Variants in CFAP54 observed in about 807,000 individuals in gnomAD.
CFAP54 encodes the protein cilia and flagella associated protein 54.
CFAP54 carries 290 observed loss-of-function variants against 370.4 expected under a neutral mutation model. The observed-to-expected ratio is 0.78, with a 90% CI of 0.71 to 0.86. The LOEUF (loss-of-function observed/expected upper bound fraction) is 0.86. Ranked by LOEUF, CFAP54 falls within the 40% of genes least tolerant of loss-of-function variation. CFAP54 has a pLI of 0.00. For missense variants in CFAP54, 3,399 were observed against 3,528.7 expected (o/e 0.96, Z 0.93); for synonymous variants, 1,206 against 1,236.5 (o/e 0.98, Z 0.52).
Position 96,657,923 on chromosome 12 carries a change from T to C in CFAP54, c.5142T>C (p.Tyr1714=), listed in dbSNP as rs1956940893. The C allele has an allele frequency of 3.1e-6, 5 of 1,613,822 alleles. No individual in the cohort carries two copies. Among genetic ancestry groups the C allele is most frequent in the Non-Finnish European group, 3.4e-6 (4 of 1,179,838 alleles). Reference sequence around the variant, plus strand: ...GAGAATTCAGTGTTCCAAGCTGTTATGGGAATATTAAAAATGACAACGGTG... The same window carrying C: ...GAGAATTCAGTGTTCCAAGCTGTTACGGGAATATTAAAAATGACAACGGTG... ...DKGEFSVPSC[Y]GNIKNDNGGS... The change falls in exon 37 of 68, where the codon TAT becomes TAC. Residue 1714 remains tyrosine (Y), a synonymous_variant. Coordinates refer to ENST00000524981, the MANE Select transcript of CFAP54 (RefSeq NM_001306084.2).
intron 32 of CFAP54, among the ~76,000 whole-genome samples, chr12:96,641,883 A>T (rs1249453295): frequency 1.3e-5 from 2 of 150,304 alleles, no homozygotes; most frequent in East Asian, 2.0e-4. Context: ...AACAATGAGA[A>T]CACATGGACA....
At position 96,544,410 on chromosome 12, in the gene CFAP54, A is replaced by ATCTCTCTCTCTC. The variant is rs71068815; in HGVS notation, c.2077+3445_2077+3456dup. 2.5e-3 allele frequency among the ~76,000 whole-genome samples: 365 copies of ATCTCTCTCTCTC among 148,094 alleles called. 5 individuals are homozygous for ATCTCTCTCTCTC. Among genetic ancestry groups the ATCTCTCTCTCTC allele is most frequent in the East Asian group, 2.2e-3 (11 of 4,984 alleles). ...CGAAGCAGTCCTCAGAAAACAGAAT[A>ATCTCTCTCTCTC]TCTCTCTCTCTCTCTCTCTCTCTCT... On this transcript the variant is annotated intron_variant, in intron 14 of 67. Coordinates refer to ENST00000524981, the MANE Select transcript of CFAP54 (RefSeq NM_001306084.2).
chr12:96,642,448 C>T (rs1956741590), intron 32 of CFAP54, among the ~76,000 whole-genome samples: 1 of 152,146 alleles, frequency 6.6e-6, no homozygotes, highest in African/African-American at 2.4e-5. Context: ...ATCTTATTGT[C>T]TATCTAAACA....
At chr12:96,867,632 A>C (rs778102173) in intron 67 of CFAP54, among the ~76,000 whole-genome samples, 29 of 152,218 alleles carry the variant, frequency 1.9e-4, no homozygotes, top group Non-Finnish European at 3.7e-4. Flanking sequence ...CCTGGAGGAC[A>C]TTATGCTAAG....
chr12:96,510,152 C>T (rs1206430136), intron 4 of CFAP54, among the ~76,000 whole-genome samples: 1 of 150,318 alleles, frequency 6.7e-6, no homozygotes, highest in African/African-American at 2.4e-5. Flanking sequence ...ACTTGGGAGG[C>T]TGAGGCAGGA....
intron 66 of CFAP54, among the ~76,000 whole-genome samples, chr12:96,839,794 T>C (rs1959200349): frequency 6.6e-6 from 1 of 152,126 alleles, no homozygotes. Context: ...TTGATGCTGG[T>C]TGTCAGCCAT....
intron 39 of CFAP54, among the ~76,000 whole-genome samples, chr12:96,673,666 G>A (rs1350510594): frequency 6.6e-6 from 1 of 152,154 alleles, no homozygotes; most frequent in Non-Finnish European, 1.5e-5. Flanking sequence ...TGGGTCTTAT[G>A]TATGTCATCA....
chr12:96,873,365 A>C (rs1960212837), intron 67 of CFAP54, among the ~76,000 whole-genome samples: 3 of 152,230 alleles, frequency 2.0e-5, no homozygotes, highest in Admixed American at 2.0e-4. Flanking sequence ...ATCTACCTTT[A>C]ACTGGGTCAT....
At chr12:96,835,252 C>T (rs766103455) in intron 66 of CFAP54, among the ~76,000 whole-genome samples, 9 of 152,088 alleles carry the variant, frequency 5.9e-5, no homozygotes, top group Non-Finnish European at 7.4e-5. Flanking sequence ...GTAATCCTGA[C>T]GTCTCCTGCT....
At chr12:96,808,407 G>A (rs888562407) in intron 63 of CFAP54, among the ~76,000 whole-genome samples, 15 of 152,114 alleles carry the variant, frequency 9.9e-5, no homozygotes, top group African/African-American at 3.6e-4. Flanking sequence ...GAAAAAGGGT[G>A]TATTAGAGGT....
intron 66 of CFAP54, among the ~76,000 whole-genome samples, chr12:96,845,812 T>C (rs2136449812): frequency 6.6e-6 from 1 of 152,310 alleles, no homozygotes; most frequent in South Asian, 2.1e-4. Flanking sequence ...TGGTGATGAA[T>C]ACATAATCTC....
At chr12:96,596,116 A>C (rs1956175590) in intron 25 of CFAP54, among the ~76,000 whole-genome samples, 1 of 152,192 alleles carries the variant, frequency 6.6e-6, no homozygotes, top group Non-Finnish European at 1.5e-5. Flanking sequence ...TGAAATGCAT[A>C]CTTTCATCTG....
chr12:96,675,604 T>C (rs1957196685), intron 39 of CFAP54, among the ~76,000 whole-genome samples: 2 of 152,108 alleles, frequency 1.3e-5, no homozygotes, highest in Admixed American at 6.5e-5. Flanking sequence ...ACCCAAAGGA[T>C]TATAAATCAT....
intron 43 of CFAP54, among the ~76,000 whole-genome samples, chr12:96,690,688 C>G (rs796580040): frequency 7.2e-5 from 11 of 152,076 alleles, no homozygotes; most frequent in African/African-American, 2.4e-4. Context: ...ATAGACATGA[C>G]TTTGAATCTC....
At chr12:96,635,057 C>A (rs1028098657) in intron 32 of CFAP54, among the ~76,000 whole-genome samples, 5 of 152,126 alleles carry the variant, frequency 3.3e-5, no homozygotes, top group Non-Finnish European at 7.4e-5. Context: ...GTTGTTTTAG[C>A]TACTCTAGGA....
chr12:96,800,203 T>C (rs949609850), intron 63 of CFAP54, among the ~76,000 whole-genome samples: 4 of 152,324 alleles, frequency 2.6e-5, no homozygotes, highest in East Asian at 3.9e-4. Context: ...TATGCTGCTA[T>C]TGGAAAAACA....
intron 6 of CFAP54, among the ~76,000 whole-genome samples, chr12:96,519,858 C>T (rs1205160274): frequency 1.3e-5 from 2 of 152,160 alleles, no homozygotes; most frequent in African/African-American, 2.4e-5. Context: ...CCATGCTGTG[C>T]AATAGATCTC....
At chr12:96,638,666 AT>A (rs1341337974) in intron 32 of CFAP54, among the ~76,000 whole-genome samples, 1 of 152,126 alleles carries the variant, frequency 6.6e-6, no homozygotes, top group African/African-American at 2.4e-5. Flanking sequence ...ATTTCTAGGT[AT>A]GTTTTTGAAG....
intron 67 of CFAP54, among the ~76,000 whole-genome samples, chr12:96,862,803 G>A (rs1313223093): frequency 1.3e-5 from 2 of 152,156 alleles, no homozygotes; most frequent in African/African-American, 2.4e-5. Flanking sequence ...GTCTGAGGCT[G>A]GGGTTTACAC....
Sources: allele counts gnomAD v4.1 joint callset (sites outside exome capture counted in the v4.1 genomes callset), GRCh38; gene constraint gnomAD v4.1.1; transcripts MANE v1.5; gene names NCBI Gene and HGNC (gene_info 2026-07-23, HGNC 2026-07-21).